METTL24: variants seen among roughly 807,000 people sequenced by gnomAD.
The protein encoded by METTL24 is probable methyltransferase-like protein 24.
METTL24 carries 29 observed loss-of-function variants against 32.7 expected under a neutral mutation model. The ratio of observed to expected loss-of-function variants is 0.89; its 90% CI spans 0.66 to 1.21. The LOEUF (loss-of-function observed/expected upper bound fraction) is 1.21. Ranked by LOEUF, METTL24 falls within the 50% of genes most tolerant of loss-of-function variation. The pLI, the probability that METTL24 is intolerant of heterozygous loss-of-function variation, is 0.00. For synonymous variants in METTL24, 163 were observed against 179.5 expected (o/e 0.91, Z 0.73); for missense variants, 439 against 468.1 (o/e 0.94, Z 0.57).
intron 4 of METTL24, among the ~76,000 whole-genome samples, chr6:110,288,323 G>C (rs1771260223): frequency 6.6e-6 from 1 of 152,090 alleles, no homozygotes; most frequent in Non-Finnish European, 1.5e-5. Flanking sequence ...AGAACCTCAG[G>C]TCTTACCCCA....
chr6:110,332,415 G>T, intron 1 of METTL24: 1 of 566,418 alleles, frequency 1.8e-6, no homozygotes, highest in Non-Finnish European at 2.2e-6. Flanking sequence ...TTTTATCATG[G>T]GCAGTAAAAA....
At chr6:110,281,679 C>T (rs1771139694) in intron 4 of METTL24, among the ~76,000 whole-genome samples, 1 of 149,046 alleles carries the variant, frequency 6.7e-6, no homozygotes, top group South Asian at 2.1e-4. Flanking sequence ...GGGGGAGTAA[C>T]AACAACAAAG....
chr6:110,262,149 A>G (rs1488372949), intron 4 of METTL24, among the ~76,000 whole-genome samples: 1 of 152,218 alleles, frequency 6.6e-6, no homozygotes, highest in African/African-American at 2.4e-5. Flanking sequence ...AGATACAAAA[A>G]ACCCTTCAAA....
At chr6:110,318,762 T>C (rs907669518) in intron 2 of METTL24, among the ~76,000 whole-genome samples, 8 of 152,188 alleles carry the variant, frequency 5.3e-5, no homozygotes, top group African/African-American at 1.2e-4. Flanking sequence ...TTAGCTTTTG[T>C]AAACAACTGA....
chr6:110,256,362 C>T (rs577742578), intron 4 of METTL24, among the ~76,000 whole-genome samples: 7 of 152,328 alleles, frequency 4.6e-5, no homozygotes, highest in South Asian at 2.1e-4. Context: ...AACCCCAGCA[C>T]GACTCATGCT....
At chr6:110,323,088 T>C (rs1771958500) in intron 1 of METTL24, among the ~76,000 whole-genome samples, 1 of 152,158 alleles carries the variant, frequency 6.6e-6, no homozygotes, top group African/African-American at 2.4e-5. Flanking sequence ...AACTCCCAGG[T>C]TGGGGAATTT....
rs1323389426 is a variant in METTL24 at position 110,274,772 on chromosome 6, C to CA, written c.786+24149_786+24150insT. Among the ~76,000 whole-genome samples the CA allele has an allele frequency of 2.8e-4, 32 of 113,542 alleles. No individual in the cohort carries two copies. The South Asian group carries it at 8.2e-3, about 29-fold the overall frequency. 74.5% of individuals were successfully genotyped at this position (113,542 alleles called of 152,430 possible). Reference sequence around the variant, plus strand: ...CCACCCACATTTTACATTTTGGTAGCTTTTTTTTTTTTTTTCCTTTTCGTT... The same window carrying CA: ...CCACCCACATTTTACATTTTGGTAGCATTTTTTTTTTTTTTTCCTTTTCGTT... On this transcript the variant is annotated intron_variant, in intron 4 of 4. Transcript: ENST00000338882.
intron 3 of METTL24, among the ~76,000 whole-genome samples, chr6:110,304,699 G>A (rs1771597218): frequency 1.3e-5 from 2 of 152,186 alleles, no homozygotes; most frequent in African/African-American, 4.8e-5. Context: ...ATTGATTGGT[G>A]TATCTGAAAG....
At chr6:110,267,369 T>C (rs1287003212) in intron 4 of METTL24, among the ~76,000 whole-genome samples, 1 of 152,238 alleles carries the variant, frequency 6.6e-6, no homozygotes, top group Non-Finnish European at 1.5e-5. Flanking sequence ...GGAAAAACTT[T>C]CTACACAGAA....
At chr6:110,349,810 C>A (rs1772557891) in intron 1 of METTL24, among the ~76,000 whole-genome samples, 1 of 152,158 alleles carries the variant, frequency 6.6e-6, no homozygotes, top group African/African-American at 2.4e-5. Flanking sequence ...TGCCAAGGTT[C>A]TTAGTTGTAA....
At chr6:110,283,076 C>A (rs1056425858) in intron 4 of METTL24, among the ~76,000 whole-genome samples, 1 of 152,012 alleles carries the variant, frequency 6.6e-6, no homozygotes, top group African/African-American at 2.4e-5. Flanking sequence ...TGATTTAAGC[C>A]AAATGAGAAA....
chr6:110,267,528 T>C (rs899070574), intron 4 of METTL24, among the ~76,000 whole-genome samples: 1 of 152,212 alleles, frequency 6.6e-6, no homozygotes, highest in Non-Finnish European at 1.5e-5. Flanking sequence ...CAGCTCTCAC[T>C]GGATATTGTT....
At chr6:110,279,666 C>T (rs1186362356) in intron 4 of METTL24, among the ~76,000 whole-genome samples, 2 of 152,042 alleles carry the variant, frequency 1.3e-5, no homozygotes, top group East Asian at 3.9e-4. Flanking sequence ...AATATTAGTG[C>T]ATATGGTAAG....
intron 2 of METTL24, among the ~76,000 whole-genome samples, 181 bp from the exon 3 acceptor site, chr6:110,315,662 AT>A (rs2114747664): frequency 6.6e-6 from 1 of 152,168 alleles, no homozygotes; most frequent in South Asian, 2.1e-4. Flanking sequence ...AGAAATTTCA[AT>A]TACTAGATAA....
At chr6:110,277,710 A>AT (rs1402782033) in intron 4 of METTL24, among the ~76,000 whole-genome samples, 1 of 152,102 alleles carries the variant, frequency 6.6e-6, no homozygotes, top group Non-Finnish European at 1.5e-5. Flanking sequence ...TGGATATAAG[A>AT]TTTTTTAAAT....
chr6:110,297,018 AT>A (rs1444684432), intron 4 of METTL24, among the ~76,000 whole-genome samples: 2 of 152,242 alleles, frequency 1.3e-5, no homozygotes, highest in East Asian at 1.9e-4. Flanking sequence ...CCAAAAAAAA[AT>A]CTCTATGGAA....
Position 110,293,288 on chromosome 6 carries a change from T to C in METTL24, c.786+5634A>G, listed in dbSNP as rs1381391907. Among the ~76,000 whole-genome samples, 3 of 152,212 alleles carry C rather than the reference T, an allele frequency of 2.0e-5. No homozygotes were observed. In the East Asian group the frequency reaches 5.8e-4, roughly 29 times the overall value. On this transcript the variant is annotated intron_variant, in intron 4 of 4. Coordinates refer to ENST00000338882, the MANE Select transcript of METTL24 (RefSeq NM_001123364.3). ...GTCTTTGAGTGGCTAAGTTTTCTTC[T>C]TGTAGACCTTGCACATGTCTCATTA...
intron 4 of METTL24, among the ~76,000 whole-genome samples, chr6:110,247,093 C>T (rs931424693): frequency 3.9e-5 from 6 of 152,126 alleles, no homozygotes; most frequent in Non-Finnish European, 8.8e-5. Flanking sequence ...AGCTCCTTTT[C>T]GCTGCCTGTG....
intron 1 of METTL24, chr6:110,332,548 T>C (rs1259194253): frequency 5.7e-5 from 52 of 914,664 alleles, no homozygotes; most frequent in Non-Finnish European, 6.5e-5. Flanking sequence ...ATGGGTTTCA[T>C]TGAGGTAGCA....
Sources: allele counts gnomAD v4.1 joint callset (sites outside exome capture counted in the v4.1 genomes callset), GRCh38; gene constraint gnomAD v4.1.1; transcripts MANE v1.5; gene names NCBI Gene and HGNC (gene_info 2026-07-23, HGNC 2026-07-21).